Variants in INPP4B observed in about 807,000 individuals in gnomAD.
INPP4B encodes the protein inositol polyphosphate 4-phosphatase type II.
Under a neutral mutation model 122.5 loss-of-function variants are expected in INPP4B, and 55 were observed. The ratio of observed to expected loss-of-function variants is 0.45; its 90% CI spans 0.36 to 0.56. INPP4B has a LOEUF of 0.56. Ranked by LOEUF, INPP4B falls within the 20% of genes least tolerant of loss-of-function variation. The probability of loss-of-function intolerance (pLI) is 0.00; values close to 1 mark genes in which losing one functional copy is unlikely to be tolerated. For missense variants in INPP4B, 1,000 were observed against 1,097.7 expected (o/e 0.91, Z 1.26); for synonymous variants, 403 against 388.7 (o/e 1.04, Z -0.43).
intron 20 of INPP4B, among the ~76,000 whole-genome samples, chr4:142,122,887 A>T (rs1797143107): frequency 6.6e-6 from 1 of 152,084 alleles, no homozygotes; most frequent in Non-Finnish European, 1.5e-5. Flanking sequence ...TAGTTTTTGA[A>T]ATCTGGTATG....
intron 2 of INPP4B, among the ~76,000 whole-genome samples, chr4:142,501,724 C>CT (rs1241906373): frequency 6.6e-6 from 1 of 152,054 alleles, no homozygotes; most frequent in Non-Finnish European, 1.5e-5. Flanking sequence ...AAGTGGTTCA[C>CT]TAAGTTCCAG....
chr4:142,432,812 A>C (rs1466121916), intron 3 of INPP4B, among the ~76,000 whole-genome samples: 1 of 152,130 alleles, frequency 6.6e-6, no homozygotes, highest in Admixed American at 6.6e-5. Context: ...GTCATCTTCA[A>C]ATGTGAAAAG....
chr4:142,790,397 G>A (rs1776375746), intron 1 of INPP4B, among the ~76,000 whole-genome samples: 1 of 151,996 alleles, frequency 6.6e-6, no homozygotes, highest in Non-Finnish European at 1.5e-5. Context: ...ATTAAAAAGT[G>A]GGCTAAGGAC....
chr4:142,798,040 G>C (rs1004590848), intron 1 of INPP4B, among the ~76,000 whole-genome samples: 2 of 151,552 alleles, frequency 1.3e-5, no homozygotes, highest in African/African-American at 4.8e-5. Flanking sequence ...AAAAACACTG[G>C]AGCATCAATA....
At chr4:142,616,750 T>C (rs938785905) in intron 2 of INPP4B, among the ~76,000 whole-genome samples, 1 of 152,120 alleles carries the variant, frequency 6.6e-6, no homozygotes, top group African/African-American at 2.4e-5. Flanking sequence ...GGGATACTAC[T>C]CAGCCATAAA....
chr4:142,423,616 CTT>C (rs1807395789), intron 5 of INPP4B: 1 of 221,534 alleles, frequency 4.5e-6, no homozygotes, highest in Admixed American at 5.7e-5. Flanking sequence ...CTAAGGACCT[CTT>C]GTCATTGTAC....
chr4:142,461,473 G>A (rs867800795), intron 3 of INPP4B, among the ~76,000 whole-genome samples: 1 of 152,056 alleles, frequency 6.6e-6, no homozygotes, highest in South Asian at 2.1e-4. Flanking sequence ...GATACCTGAG[G>A]CTATATTTCC....
At chr4:142,096,965 TG>T (rs1393909468) in intron 23 of INPP4B, among the ~76,000 whole-genome samples, 1 of 152,038 alleles carries the variant, frequency 6.6e-6, no homozygotes, top group Non-Finnish European at 1.5e-5. Context: ...TAGCAAATGA[TG>T]GGGTTGGACT....
intron 21 of INPP4B, among the ~76,000 whole-genome samples, chr4:142,120,773 C>G (rs1275475930): frequency 3.3e-5 from 5 of 152,120 alleles, no homozygotes; most frequent in Non-Finnish European, 1.5e-5. Flanking sequence ...CAGACTTCTA[C>G]TGATGCTGCC....
chr4:142,282,445 CTTA>C (rs1192108861), intron 9 of INPP4B, among the ~76,000 whole-genome samples: 1 of 152,062 alleles, frequency 6.6e-6, no homozygotes, highest in African/African-American at 2.4e-5. Flanking sequence ...TCTGACTGGA[CTTA>C]TTATCTCACA....
At chr4:142,209,518 C>A (rs910939950) in intron 12 of INPP4B, among the ~76,000 whole-genome samples, 41 of 151,864 alleles carry the variant, frequency 2.7e-4, no homozygotes, top group Admixed American at 6.6e-5. Context: ...CCCGGCCGGG[C>A]ACGGTGGCTC....
chr4:142,059,410 T>G (rs1759430249), intron 25 of INPP4B, among the ~76,000 whole-genome samples: 1 of 152,116 alleles, frequency 6.6e-6, no homozygotes, highest in African/African-American at 2.4e-5. Flanking sequence ...CATTAAGTAG[T>G]TCGTACTTAA....
chr4:142,763,551 G>C (rs1179527389), intron 1 of INPP4B, among the ~76,000 whole-genome samples: 2 of 152,108 alleles, frequency 1.3e-5, no homozygotes, highest in African/African-American at 4.8e-5. Context: ...AAGGGAAACT[G>C]AGCTTGACAA....
chr4:142,475,207 T>C (rs1283320919), intron 2 of INPP4B, among the ~76,000 whole-genome samples: 1 of 151,812 alleles, frequency 6.6e-6, no homozygotes, highest in African/African-American at 2.4e-5. Context: ...AGGAGTAGAA[T>C]AGAATCAAAA....
At chr4:142,429,090 T>C (rs551997336) in intron 5 of INPP4B, 83 bp downstream of exon 5, 1 of 691,266 alleles carries the variant, frequency 1.4e-6, no homozygotes, top group East Asian at 2.8e-5. Flanking sequence ...AAATATGTAC[T>C]GATGTAAGCA....
intron 1 of INPP4B, among the ~76,000 whole-genome samples, chr4:142,833,043 A>C (rs1355446830): frequency 2.6e-5 from 4 of 151,850 alleles, no homozygotes; most frequent in African/African-American, 9.7e-5. Flanking sequence ...CTTGTTTGGA[A>C]GGTTTTTTTC....
chr4:142,186,332 A>G (rs1833201267), intron 15 of INPP4B, among the ~76,000 whole-genome samples: 1 of 152,220 alleles, frequency 6.6e-6, no homozygotes, highest in South Asian at 2.1e-4. Context: ...AGATGAGGAA[A>G]CTAAGGTACA....
Position 142,362,068 on chromosome 4 carries a change from G to C in INPP4B, c.372+40870C>G, listed in dbSNP as rs144615830. On this transcript the variant is annotated intron_variant, in intron 7 of 25. Coordinates refer to ENST00000262992, the MANE Select transcript of INPP4B (RefSeq NM_001101669.3). Reference sequence around the variant, plus strand: ...TAAGTATGACACAGATGTTAGAGAAGTTTAGAGGAGAGAGAGAGATCCCTA... The same window carrying C: ...TAAGTATGACACAGATGTTAGAGAACTTTAGAGGAGAGAGAGAGATCCCTA... 5.5e-3 allele frequency among the ~76,000 whole-genome samples: 832 copies of C among 152,100 alleles called. 12 individuals carry two copies. The highest frequency in any genetic ancestry group is 0.018 in the African/African-American group (753 of 41,532).
chr4:142,571,077 T>C (rs1159785594), intron 2 of INPP4B, among the ~76,000 whole-genome samples: 1 of 145,660 alleles, frequency 6.9e-6, no homozygotes, highest in Non-Finnish European at 1.5e-5. Flanking sequence ...CACTCAGTCT[T>C]TTCATGTTTC....
Sources: allele counts gnomAD v4.1 joint callset (sites outside exome capture counted in the v4.1 genomes callset), GRCh38; gene constraint gnomAD v4.1.1; transcripts MANE v1.5; gene names NCBI Gene and HGNC (gene_info 2026-07-23, HGNC 2026-07-21).